FAM53A: variants seen among roughly 807,000 people sequenced by gnomAD.
The protein encoded by FAM53A is protein FAM53A.
A neutral mutation model predicts 26.6 loss-of-function variants in FAM53A; 28 were observed. The ratio of observed to expected loss-of-function variants is 1.05; its 90% CI spans 0.78 to 1.45. The LOEUF is 1.45. FAM53A is among the 40% of genes most tolerant of loss of function. The pLI, the probability that FAM53A is intolerant of heterozygous loss-of-function variation, is 0.00. For missense variants in FAM53A, 650 were observed against 575.8 expected, an observed-to-expected ratio of 1.13 and a Z score of -1.32; for synonymous variants, 290 against 253.1, an observed-to-expected ratio of 1.15 and a Z score of -1.38.
At chr4:1,623,992 T>A (rs1715171416) in intron 1 of FAM53A, among the ~76,000 whole-genome samples, 1 of 152,116 alleles carries the variant, frequency 6.6e-6, no homozygotes, top group South Asian at 2.1e-4. Flanking sequence ...CCAGGGGCCA[T>A]GCCTGCCTGG....
intron 4 of FAM53A, chr4:1,644,052 G>A: frequency 1.7e-6 from 2 of 1,198,044 alleles, no homozygotes; most frequent in African/African-American, 1.5e-5. Context: ...GGAGGTCCGG[G>A]TCTCACCAGC....
At chr4:1,596,785 GAGAGAC>G in the FAM53A span, among the ~76,000 whole-genome samples, 2 of 152,232 alleles carry the variant, frequency 1.3e-5, no homozygotes, top group African/African-American at 2.4e-5. Context: ...CAGAGAGAGA[GAGAGAC>G]AGAGACAGAG....
chr4:1,603,326 A>G, the FAM53A span, among the ~76,000 whole-genome samples: 1 of 151,840 alleles, frequency 6.6e-6, no homozygotes, highest in Non-Finnish European at 1.5e-5. Context: ...GGCCCACAAG[A>G]GACAGGCCAG....
chr4:1,657,217 C>T (rs1713452703), intron 3 of FAM53A, among the ~76,000 whole-genome samples, 191 bp downstream of exon 3: 1 of 152,224 alleles, frequency 6.6e-6, no homozygotes. Flanking sequence ...TGCTCACAGA[C>T]CACTCTTGAC....
At chr4:1,602,850 G>A in the FAM53A span, among the ~76,000 whole-genome samples, 4 of 152,100 alleles carry the variant, frequency 2.6e-5, no homozygotes, top group Admixed American at 2.0e-4. Context: ...CGGCTCCGGC[G>A]GGAGGGGCTG....
At chr4:1,607,659 G>A in the FAM53A span, among the ~76,000 whole-genome samples, 1 of 152,174 alleles carries the variant, frequency 6.6e-6, no homozygotes, top group African/African-American at 2.4e-5. Context: ...CACCCGCCCA[G>A]TCCGGGTGCA....
At chr4:1,601,282 G>A in the FAM53A span, among the ~76,000 whole-genome samples, 1 of 115,682 alleles carries the variant, frequency 8.6e-6, no homozygotes, top group African/African-American at 2.8e-5. Context: ...ACTTTCCTGG[G>A]CACTGCTTTC....
intron 2 of FAM53A, among the ~76,000 whole-genome samples, chr4:1,657,786 C>T (rs558277867): frequency 3.4e-4 from 49 of 145,838 alleles, no homozygotes; most frequent in Non-Finnish European, 6.4e-4. Context: ...TACAGGCGCC[C>T]ACCACCACGC....
In FAM53A at chr4:1,654,996, G is replaced by GT; in HGVS notation, c.863dup (p.Asp288GlufsTer23). 1.3e-6 allele frequency: 2 copies of GT among 1,532,636 alleles called. No homozygotes were observed. The highest frequency in any genetic ancestry group is 1.8e-6 in the Non-Finnish European group (2 of 1,139,480). The allele number at this position is 1,532,636 out of a possible 1,614,324, so 94.9% of individuals were successfully genotyped here. On this transcript the variant is annotated frameshift_variant, in exon 4 of 5. Coordinates refer to ENST00000308132, the MANE Select transcript of FAM53A (RefSeq NM_001174070.3). LOFTEE classifies it low-confidence loss of function (END_TRUNC). ...GCCTCACCTGGGTCATTTTCAGGAAGTCCAAGGATGGGCGTGTCCACCTGG... is the reference window on the plus strand; with the variant it reads ...GCCTCACCTGGGTCATTTTCAGGAAGTTCCAAGGATGGGCGTGTCCACCTGG...
chr4:1,610,673 A>G, the FAM53A span, among the ~76,000 whole-genome samples: 1 of 151,802 alleles, frequency 6.6e-6, no homozygotes, highest in African/African-American at 2.4e-5. Context: ...GGGGTGGGGG[A>G]CAGAGGCCTG....
At chr4:1,598,802 G>A in the FAM53A span, among the ~76,000 whole-genome samples, 25 of 152,242 alleles carry the variant, frequency 1.6e-4, no homozygotes, top group South Asian at 2.1e-4. Context: ...GATGGAGCCC[G>A]GCGGGCGGAG....
At chr4:1,681,155 G>A (rs936085811) in intron 1 of FAM53A, among the ~76,000 whole-genome samples, 16 of 152,094 alleles carry the variant, frequency 1.1e-4, no homozygotes, top group African/African-American at 2.4e-4. Context: ...GAAGTGCAAC[G>A]GCGCGATCTC....
intron 2 of FAM53A, among the ~76,000 whole-genome samples, chr4:1,663,629 TAGAAG>T (rs1714014075): frequency 6.6e-6 from 1 of 152,098 alleles, no homozygotes; most frequent in Non-Finnish European, 1.5e-5. Flanking sequence ...CAGTGAGCAC[TAGAAG>T]TGTTTCTGGT....
intron 1 of FAM53A, among the ~76,000 whole-genome samples, chr4:1,672,468 A>C (rs1028209093): frequency 6.6e-6 from 1 of 152,208 alleles, no homozygotes; most frequent in Non-Finnish European, 1.5e-5. Context: ...GTGGGGAGCC[A>C]CTAGTGAGTG....
intron 3 of FAM53A, among the ~76,000 whole-genome samples, chr4:1,657,151 C>T (rs1713447435): frequency 6.6e-6 from 1 of 152,236 alleles, no homozygotes; most frequent in South Asian, 2.1e-4. Flanking sequence ...ACCCCTGGGC[C>T]CCACCAGCTG....
chr4:1,601,427 G>A, the FAM53A span, among the ~76,000 whole-genome samples: 3 of 112,142 alleles, frequency 2.7e-5, 1 homozygote, highest in African/African-American at 8.6e-5. Context: ...GGCGTGGCGG[G>A]AGGAGCTCCA....
intron 1 of FAM53A, among the ~76,000 whole-genome samples, chr4:1,677,353 C>A (rs1715114182): frequency 6.6e-6 from 1 of 152,198 alleles, no homozygotes; most frequent in Non-Finnish European, 1.5e-5. Context: ...GTGTCCCACG[C>A]TTGCTGCTGT....
the FAM53A span, among the ~76,000 whole-genome samples, chr4:1,578,139 G>GCC: frequency 1.1e-4 from 17 of 151,792 alleles, no homozygotes; most frequent in African/African-American, 3.1e-4. Flanking sequence ...ACACCCCCAG[G>GCC]CCCCCCCCAA....
chr4:1,652,371 A>C (rs1459553977), intron 4 of FAM53A, among the ~76,000 whole-genome samples: 1 of 139,610 alleles, frequency 7.2e-6, no homozygotes, highest in Non-Finnish European at 1.6e-5. Context: ...CGCACAACAC[A>C]CACAACACAC....
Sources: allele counts gnomAD v4.1 joint callset (sites outside exome capture counted in the v4.1 genomes callset), GRCh38; gene constraint gnomAD v4.1.1; transcripts MANE v1.5; gene names NCBI Gene and HGNC (gene_info 2026-07-23, HGNC 2026-07-21).